Variants in EIF2B4 observed in about 807,000 individuals in gnomAD.
The protein encoded by EIF2B4 is eukaryotic translation initiation factor 2B subunit delta.
In EIF2B4, 34 loss-of-function variants were observed where a neutral mutation model predicts 66.7. The ratio of observed to expected loss-of-function variants is 0.51; its 90% CI spans 0.39 to 0.68. The LOEUF is 0.68. Among genes scored for constraint, EIF2B4 ranks in the 30% least tolerant of loss-of-function variants. EIF2B4 has a pLI of 0.00. For missense variants in EIF2B4, 618 were observed against 657.9 expected (o/e 0.94, Z 0.66); for synonymous variants, 278 against 253.6 (o/e 1.10, Z -0.92).
At position 27,369,449 on chromosome 2, in the gene EIF2B4, T is replaced by A. The variant is rs1682172488; in HGVS notation, c.176A>T (p.Glu59Val). 1 of 1,614,020 alleles carries A rather than the reference T, an allele frequency of 6.2e-7. No individual in the cohort carries two copies. The highest frequency in any genetic ancestry group is 1.1e-5 in the South Asian group (1 of 91,090). Residue 59 changes from glutamate (E) to valine (V), a missense_variant, in exon 3 of 13, where the codon GAG (glutamate) becomes GTG (valine). Glu to Val is a moderately radical substitution (Grantham distance 121). Around this residue, in one of 4 missense-constraint regions of EIF2B4, gnomAD observed 506 missense variants for 511.9 expected, o/e 0.99. Transcript: ENST00000347454. ...KRKEEKGAEP[E>V]TGSAVSAAQC... is the part of the protein sequence containing the mutation. Reference sequence around the variant, plus strand: ...GGCTGCAGATACAGCAGAGCCAGTCTCTGGTTCTGCCCCCTTTTCTTCCTT... The same window carrying A: ...GGCTGCAGATACAGCAGAGCCAGTCACTGGTTCTGCCCCCTTTTCTTCCTT...
chr2:27,367,723 T>C (rs1681966642), intron 8 of EIF2B4, 23 bp downstream of exon 8: 2 of 1,604,242 alleles, frequency 1.2e-6, no homozygotes, highest in East Asian at 4.5e-5. Flanking sequence ...GAGCTGGGAG[T>C]GGACTTATAG....
At chr2:27,370,222 C>A in intron 1 of EIF2B4, 62 bp downstream of exon 1, 1 of 1,541,358 alleles carries the variant, frequency 6.5e-7, no homozygotes. Flanking sequence ...CAAGGCCCGG[C>A]ACTAGCTGTC....
In EIF2B4 at chr2:27,366,524, T is replaced by TA. The variant is rs1681875445; in HGVS notation, c.1191+234dup. ...CGATATCCCATCTCTACAAGAAAAATAAAAAACTAGCTGGGCATGGTGGCA... is the reference window on the plus strand; with the variant it reads ...CGATATCCCATCTCTACAAGAAAAATAAAAAAACTAGCTGGGCATGGTGGCA... On this transcript the variant is annotated intron_variant, in intron 11 of 12. Transcript: ENST00000347454. The TA allele has an allele frequency of 2.3e-5, 13 of 567,148 alleles. No individual in the cohort carries two copies. In the South Asian group the frequency reaches 2.4e-4, roughly 10 times the overall value. The allele number at this position is 567,148 out of a possible 1,614,324, so 35.1% of individuals were successfully genotyped here.
chr2:27,366,407 G>A (rs1254891699), intron 11 of EIF2B4: 3 of 337,880 alleles, frequency 8.9e-6, no homozygotes, highest in South Asian at 2.8e-5. Flanking sequence ...TTGTGGCTGG[G>A]CACAGTGGCT....
At chr2:27,367,648 A>C in intron 8 of EIF2B4, 89 bp from the exon 9 acceptor site, 1 of 1,593,402 alleles carries the variant, frequency 6.3e-7, no homozygotes, top group South Asian at 1.1e-5. Flanking sequence ...TTAAAAAGAA[A>C]ATAGAACACA....
In EIF2B4 at chr2:27,369,059, T is replaced by C; in HGVS notation, c.365A>G (p.Gln122Arg). 6.2e-7 allele frequency: 1 copy of C among 1,614,162 alleles called. No individual in the cohort carries two copies. Among genetic ancestry groups the C allele is most frequent in the Non-Finnish European group, 8.5e-7 (1 of 1,180,012 alleles). Residue 122 changes from glutamine to arginine, a missense_variant, in exon 4 of 13, where the codon CAA becomes CGA. By Grantham distance (43) the Gln-to-Arg change is conservative (BLOSUM62 1). This residue lies in a region of EIF2B4 where 506 missense variants were observed against 511.9 expected (regional missense o/e 0.99). Transcript: ENST00000347454. Reference protein sequence around the residue: ...RALKQARKGEQGGPPPKASPS... With the variant: ...RALKQARKGERGGPPPKASPS... ...GCTGGCCTTAGGAGGTGGTCCTCCT[T>C]GTTCCCCTTTTCTTGCCTGTTTCAG...
Position 27,364,582 on chromosome 2 carries a change from G to C in EIF2B4, c.1390C>G (p.Gln464Glu). Residue 464 changes from glutamine (Q) to glutamate (E), a missense_variant, in exon 13 of 13, where the codon CAA (glutamine) becomes GAA (glutamate). By Grantham distance (29) the Gln-to-Glu change is conservative. Around this residue, in one of 4 missense-constraint regions of EIF2B4, gnomAD observed 63 missense variants for 47.5 expected, o/e 1.33. Transcript: ENST00000347454. ...GCAACATGTTCTCCCCGCTTACATTGCAGATCATCAGGGTCATCTGCAATG... is the reference window on the plus strand; with the variant it reads ...GCAACATGTTCTCCCCGCTTACATTCCAGATCATCAGGGTCATCTGCAATG... ...SNELDDPDDL[Q>E]CKRGEHVALA... 1 of 1,614,186 alleles carries C rather than the reference G, an allele frequency of 6.2e-7. No homozygotes were observed. Among genetic ancestry groups the C allele is most frequent in the Non-Finnish European group, 8.5e-7 (1 of 1,180,028 alleles).
At chr2:27,367,707 T>C (rs764798539) in intron 8 of EIF2B4, 39 bp downstream of exon 8, 9 of 1,595,136 alleles carry the variant, frequency 5.6e-6, no homozygotes, top group Admixed American at 1.7e-5. Context: ...AAGACAAAGA[T>C]TGGGCGAGCT....
Position 27,368,208 on chromosome 2 carries a change from G to A in EIF2B4, c.591-69C>T, listed in dbSNP as rs1050304821. The stretch of plus-strand genomic sequence containing the variant: ...CATCTACTGCCCACCTGCCCCTGAT[G>A]AAAAGGAACTCCCTTCACTAGCAGA... On this transcript the variant is annotated intron_variant, in intron 6 of 12. Transcript: ENST00000347454. 11 of 1,381,052 alleles carry A rather than the reference G, an allele frequency of 8.0e-6. No individual in the cohort carries two copies. In the Admixed American group the frequency reaches 2.0e-4, roughly 25 times the overall value. The allele number at this position is 1,381,052 out of a possible 1,614,324, so 85.5% of individuals were successfully genotyped here. A position where few individuals can be genotyped will look rare whatever the true frequency, so the allele number is the denominator to read the frequency against.
intron 9 of EIF2B4, 47 bp from the exon 10 acceptor site, chr2:27,367,248 C>T (rs1170973381): frequency 1.2e-6 from 2 of 1,613,468 alleles, no homozygotes; most frequent in East Asian, 2.2e-5. Context: ...ACACTTTTAT[C>T]CCTCTGATGA....
At chr2:27,370,146 G>T (rs1018201597) in intron 1 of EIF2B4, 138 bp downstream of exon 1, 16 of 1,537,276 alleles carry the variant, frequency 1.0e-5, no homozygotes, top group Non-Finnish European at 1.2e-5. Context: ...GCGGGACTGC[G>T]CTCGAGACTG....
At position 27,367,174 on chromosome 2, in the gene EIF2B4, C is replaced by A; in HGVS notation, c.913G>T (p.Asp305Tyr). The change falls in exon 10 of 13, where the codon GAT becomes TAT. Residue 305 changes from aspartate (D) to tyrosine (Y), a missense_variant. Around this residue, in one of 4 missense-constraint regions of EIF2B4, gnomAD observed 506 missense variants for 511.9 expected, o/e 0.99. Coordinates refer to ENST00000347454, the MANE Select transcript of EIF2B4 (RefSeq NM_001034116.2). ...EAKSELRAAI[D>Y]RYVQEKIVLA... ...ACAATCTTCTCTTGCACATACCGAT[C>A]AATGGCTGCTCGAAGTTCTGACTTG... is the stretch of plus-strand genomic sequence containing the variant. 5 of 1,614,178 alleles carry A rather than the reference C, an allele frequency of 3.1e-6. No homozygotes were observed. The highest frequency in any genetic ancestry group is 4.2e-6 in the Non-Finnish European group (5 of 1,180,036).
intron 11 of EIF2B4, chr2:27,366,108 GTGTGTGTGCGTGCGCGCGC>G: frequency 1.4e-5 from 2 of 139,534 alleles, no homozygotes; most frequent in South Asian, 2.3e-4. Context: ...GTGTGTGTGT[GTGTGTGTGCGTGCGCGCGC>G]GCACGCACTC....
At chr2:27,367,225 G>A (rs1681927482) in intron 9 of EIF2B4, 24 bp from the exon 10 acceptor site, 1 of 1,613,876 alleles carries the variant, frequency 6.2e-7, no homozygotes, top group Non-Finnish European at 8.5e-7. Flanking sequence ...AATCCTTAGT[G>A]AACAAGAAAT....
chr2:27,368,069 C>T lies in EIF2B4; in HGVS notation c.661G>A (p.Gly221Ser). The change falls in exon 7 of 13, where the codon GGC becomes AGC. Residue 221 changes from glycine (G) to serine (S), a missense_variant. By Grantham distance (56) the Gly-to-Ser change is moderately conservative. Transcript: ENST00000347454. ...GLQYSQGLVS[G>S]SNARCIALLR... Reference sequence around the variant, plus strand: ...AGGGCAATACACCGGGCATTGGAGCCACTGACCAGGCCCTGGGAGTACTGC... The same window carrying T: ...AGGGCAATACACCGGGCATTGGAGCTACTGACCAGGCCCTGGGAGTACTGC... 6.3e-7 allele frequency: 1 copy of T among 1,599,312 alleles called. No homozygotes were observed. The highest frequency in any genetic ancestry group is 8.5e-7 in the Non-Finnish European group (1 of 1,172,784).
At position 27,366,896 on chromosome 2, in the gene EIF2B4, C is replaced by T; in HGVS notation, c.1054G>A (p.Glu352Lys). 1 of 1,614,170 alleles carries T rather than the reference C, an allele frequency of 6.2e-7. No individual in the cohort carries two copies. The highest frequency in any genetic ancestry group is 2.2e-5 in the East Asian group (1 of 44,880). Residue 352 changes from glutamate (E) to lysine (K), a missense_variant, in exon 11 of 13, where the codon GAG becomes AAG. Glu to Lys is a moderately conservative substitution (Grantham distance 56). Coordinates refer to ENST00000347454, the MANE Select transcript of EIF2B4 (RefSeq NM_001034116.2). ...ACTACCACCCGAAACCGCCGGCCCT[C>T]TGTCCAAGCCTCCTGAAGAATTCGT... ...VSRILQEAWT[E>K]GRRFRVVVVD... is the part of the protein sequence containing the mutation.
chr2:27,368,190 T>G (rs1401281310), intron 6 of EIF2B4, 51 bp from the exon 7 acceptor site: 2 of 1,439,322 alleles, frequency 1.4e-6, no homozygotes, highest in East Asian at 2.4e-5. Context: ...GAGCATCTAC[T>G]GCCCACCTGC....
rs1432241187 is a variant in EIF2B4 at position 27,369,415 on chromosome 2, T to C, written c.210A>G (p.Gln70=). 1.9e-6 allele frequency: 3 copies of C among 1,614,098 alleles called. No homozygotes were observed. Among genetic ancestry groups the C allele is most frequent in the Non-Finnish European group, 2.5e-6 (3 of 1,180,016 alleles). ...TGSAVSAAQC[Q]VGPTRELPES... is the part of the protein sequence containing the mutation. ...CTTTAAAAGAGACCCCTCACTCACC[T>C]TGACATTGGGCTGCAGATACAGCAG... The change falls in exon 3 of 13, where the codon CAA becomes CAG. Residue 70 remains glutamine (Q), a splice_region_variant and synonymous_variant. Transcript: ENST00000347454.
intron 6 of EIF2B4, 35 bp downstream of exon 6, chr2:27,368,337 G>A (rs1375232458): frequency 1.9e-6 from 3 of 1,572,208 alleles, no homozygotes; most frequent in Middle Eastern, 1.7e-4. Flanking sequence ...AAACTCCTCA[G>A]ACTCAAAAGT....
Sources: gnomAD v4.1 joint callset for allele counts on GRCh38, gnomAD v4.1.1 for gene constraint, gnomAD v4.1.1 regional missense constraint, MANE v1.5 for transcripts, NCBI Gene and HGNC (gene_info 2026-07-23, HGNC 2026-07-21) for gene names.